Variants in MTRF1 observed in about 807,000 individuals in gnomAD.
MTRF1 encodes peptide chain release factor 1, mitochondrial.
A neutral mutation model predicts 62.9 loss-of-function variants in MTRF1; 51 were observed. The ratio of observed to expected loss-of-function variants is 0.81; its 90% confidence interval spans 0.65 to 1.02. The LOEUF (loss-of-function observed/expected upper bound fraction) is 1.02. Ranked by LOEUF, MTRF1 falls within the 50% of genes least tolerant of loss-of-function variation. The pLI, the probability that MTRF1 is intolerant of heterozygous loss-of-function variation, is 0.00. For missense variants in MTRF1, 446 were observed against 530.0 expected, an observed-to-expected ratio of 0.84 and a Z score of 1.56; for synonymous variants, 158 against 181.9, an observed-to-expected ratio of 0.87 and a Z score of 1.06.
the MTRF1 span, among the ~76,000 whole-genome samples, chr13:41,302,407 C>T: frequency 9.9e-5 from 15 of 150,916 alleles, no homozygotes; most frequent in Non-Finnish European, 1.0e-4. Flanking sequence ...GAGAGAGAGA[C>T]CTTTGTTCTC....
chr13:41,244,687 G>T (rs775417867), intron 5 of MTRF1, among the ~76,000 whole-genome samples: 1 of 152,216 alleles, frequency 6.6e-6, no homozygotes, highest in Non-Finnish European at 1.5e-5. Flanking sequence ...AGGTCGCTAT[G>T]TTGGGAATAG....
At chr13:41,305,601 C>T in the MTRF1 span, among the ~76,000 whole-genome samples, 2 of 152,346 alleles carry the variant, frequency 1.3e-5, no homozygotes, top group East Asian at 1.9e-4. Flanking sequence ...CAAGTTCTCA[C>T]CTTTCCCTTC....
chr13:41,261,774 A>G, intron 1 of MTRF1: 10 of 984,888 alleles, frequency 1.0e-5, no homozygotes, highest in Non-Finnish European at 1.2e-5. Context: ...AGTAATTTTC[A>G]CTCTCAATTG....
chr13:41,285,916 T>C, the MTRF1 span, among the ~76,000 whole-genome samples: 1 of 151,630 alleles, frequency 6.6e-6, no homozygotes, highest in Non-Finnish European at 1.5e-5. Flanking sequence ...ATACAAAAAT[T>C]AGCCAGGAGT....
intron 8 of MTRF1, among the ~76,000 whole-genome samples, chr13:41,225,848 GTTTAC>G (rs2034329422): frequency 6.7e-6 from 1 of 149,846 alleles, no homozygotes; most frequent in Non-Finnish European, 1.5e-5. Context: ...TATATATTAG[GTTTAC>G]TTAAAATAAT....
At chr13:41,309,198 T>C in the MTRF1 span, among the ~76,000 whole-genome samples, 1 of 152,090 alleles carries the variant, frequency 6.6e-6, no homozygotes, top group Admixed American at 6.5e-5. Context: ...TGTCCTTTTT[T>C]TTTTTGAGGC....
chr13:41,226,446 C>T lies in MTRF1; in HGVS notation c.1111G>A (p.Ala371Thr), dbSNP rs761716685. The T allele has an allele frequency of 2.7e-5, 43 of 1,609,800 alleles. No homozygotes were observed. The highest frequency in any genetic ancestry group is 3.6e-5 in the Non-Finnish European group (43 of 1,179,206). ...IEKDKRQQQS[A>T]RKLQVGTRAQ... ...GTAAATCTTACCTGCAGTTTTCTAG[C>T]ACTTTGTTGCTGACGCTTGTCTTTC... The change falls in exon 8 of 10, where the codon GCT becomes ACT. Residue 371 changes from alanine to threonine, a missense_variant. By Grantham distance (58) the Ala-to-Thr change is moderately conservative. Transcript: ENST00000379480.
the MTRF1 span, among the ~76,000 whole-genome samples, chr13:41,304,146 AAG>A: frequency 6.6e-6 from 1 of 152,226 alleles, no homozygotes; most frequent in African/African-American, 2.4e-5. Context: ...TAAGAAAAGA[AAG>A]AGAAATTCAT....
the MTRF1 span, among the ~76,000 whole-genome samples, chr13:41,290,265 A>G: frequency 6.8e-6 from 1 of 147,990 alleles, no homozygotes; most frequent in Admixed American, 6.8e-5. Context: ...CGTCCGGCTA[A>G]TTTTTTTGTA....
chr13:41,300,382 C>G, the MTRF1 span, among the ~76,000 whole-genome samples: 2 of 151,992 alleles, frequency 1.3e-5, no homozygotes, highest in African/African-American at 4.8e-5. Flanking sequence ...GTCAGGAAAT[C>G]GAGACCATCC....
At chr13:41,287,789 G>T in the MTRF1 span, 2 of 218,860 alleles carry the variant, frequency 9.1e-6, no homozygotes, top group South Asian at 1.4e-4. Flanking sequence ...GAGGTGGGCA[G>T]AGAACTGCTC....
At chr13:41,263,071 C>T (rs577454160) in intron 1 of MTRF1, among the ~76,000 whole-genome samples, 1 of 152,224 alleles carries the variant, frequency 6.6e-6, no homozygotes, top group South Asian at 2.1e-4. Context: ...CCACCACCCC[C>T]GTATTTCAAG....
chr13:41,293,727 A>T, the MTRF1 span, among the ~76,000 whole-genome samples: 1 of 152,222 alleles, frequency 6.6e-6, no homozygotes, highest in Non-Finnish European at 1.5e-5. Context: ...AATCTAGGTT[A>T]TCTGCTAAAA....
At chr13:41,232,372 G>T (rs892981809) in intron 7 of MTRF1, among the ~76,000 whole-genome samples, 6 of 151,968 alleles carry the variant, frequency 3.9e-5, no homozygotes, top group African/African-American at 1.4e-4. Context: ...AATTCAAGAG[G>T]TCTAATATCT....
At chr13:41,261,869 G>A (rs1364950903) in intron 1 of MTRF1, 2 of 774,280 alleles carry the variant, frequency 2.6e-6, no homozygotes, top group East Asian at 1.3e-4. Context: ...AAGAAAGTAG[G>A]GCTGGTGAAA....
chr13:41,269,185 G>GTTTTTTTTTTTTTTTGGTTTTTTTTTT, the MTRF1 span, among the ~76,000 whole-genome samples: 1 of 96,464 alleles, frequency 1.0e-5, no homozygotes, highest in Non-Finnish European at 1.9e-5. Context: ...CTTTTACCTT[G>GTTTTTTTTTTTTTTTGGTTTTTTTTTT]TTTTTTTTTT....
At chr13:41,231,608 A>C (rs566310982) in intron 7 of MTRF1, among the ~76,000 whole-genome samples, 10 of 152,210 alleles carry the variant, frequency 6.6e-5, no homozygotes, top group African/African-American at 2.4e-4. Flanking sequence ...GGGGGTCCCT[A>C]ATAAAAAAGC....
intron 9 of MTRF1, among the ~76,000 whole-genome samples, chr13:41,218,025 G>C (rs2032257586): frequency 6.6e-6 from 1 of 152,220 alleles, no homozygotes; most frequent in Admixed American, 6.5e-5. Flanking sequence ...GGTTTATAGA[G>C]AGACAGAGGA....
At chr13:41,303,787 T>C in the MTRF1 span, among the ~76,000 whole-genome samples, 1 of 152,202 alleles carries the variant, frequency 6.6e-6, no homozygotes, top group Admixed American at 6.5e-5. Flanking sequence ...CCTGATGTCT[T>C]AAAAACAAAA....
Sources: allele counts gnomAD v4.1 joint callset (sites outside exome capture counted in the v4.1 genomes callset), GRCh38; gene constraint gnomAD v4.1.1; transcripts MANE v1.5; gene names NCBI Gene and HGNC (gene_info 2026-07-23, HGNC 2026-07-21).